PTPRE: variants seen among roughly 807,000 people sequenced by gnomAD.
PTPRE encodes the protein protein tyrosine phosphatase receptor type E, also known as receptor-type tyrosine-protein phosphatase epsilon.
PTPRE carries 51 observed loss-of-function variants against 102.0 expected under a neutral mutation model. That is an observed-to-expected ratio of 0.50 (90% CI 0.40 to 0.63). PTPRE has a LOEUF of 0.63. Among genes scored for constraint, PTPRE ranks in the 30% least tolerant of loss-of-function variants. The probability of loss-of-function intolerance (pLI) is 0.00; values close to 1 mark genes in which losing one functional copy is unlikely to be tolerated. For synonymous variants in PTPRE, 345 were observed against 348.2 expected (o/e 0.99, Z 0.10); for missense variants, 752 against 915.1 (o/e 0.82, Z 2.30).
rs558506100 is a variant in PTPRE, at chr10:128,013,609, C to T, written c.-7-27266C>T. Among the ~76,000 whole-genome samples the T allele has an allele frequency of 1.4e-4, 21 of 152,096 alleles. 1 individual carries two copies. Among genetic ancestry groups the T allele is most frequent in the Non-Finnish European group, 2.6e-4 (18 of 68,022 alleles). On this transcript the variant is annotated intron_variant, in intron 2 of 20. Coordinates refer to ENST00000254667, the MANE Select transcript of PTPRE (RefSeq NM_006504.6). ...TCACCAATGTGCTGGGTTGAGGAGG[C>T]GGGGCCTTGGGAGGTGATTAGGTCA...
At chr10:128,010,436 C>A (rs1844883498) in intron 2 of PTPRE, among the ~76,000 whole-genome samples, 1 of 152,186 alleles carries the variant, frequency 6.6e-6, no homozygotes, top group African/African-American at 2.4e-5. Context: ...ACCACCAGGT[C>A]AGGGAAGAGA....
At chr10:128,036,179 A>G (rs1847201064) in intron 2 of PTPRE, among the ~76,000 whole-genome samples, 1 of 151,198 alleles carries the variant, frequency 6.6e-6, no homozygotes, top group Non-Finnish European at 1.5e-5. Flanking sequence ...ACCTTTTCCC[A>G]GTCTCCTGCC....
chr10:127,937,313 C>G (rs1285923297), intron 1 of PTPRE, among the ~76,000 whole-genome samples: 1 of 152,198 alleles, frequency 6.6e-6, no homozygotes, highest in African/African-American at 2.4e-5. Context: ...GTACTCTGTA[C>G]CATCCACTCA....
Position 128,085,310 on chromosome 10 carries a change from G to A in PTPRE, c.*2404G>A. 3.1e-6 allele frequency: 1 copy of A among 321,992 alleles called. No individual in the cohort carries two copies. The allele number at this position is 321,992 out of a possible 1,614,324, so 19.9% of individuals were successfully genotyped here. On this transcript the variant is annotated 3_prime_UTR_variant, in exon 21 of 21. Transcript: ENST00000254667. Reference sequence around the variant, plus strand: ...CTCTTGTTTCCTTCAGTCAAAGAAAGTCCATTGTACATAACAAAACAGCCC... The same window carrying A: ...CTCTTGTTTCCTTCAGTCAAAGAAAATCCATTGTACATAACAAAACAGCCC...
chr10:127,945,164 T>C (rs1345304160), intron 1 of PTPRE, among the ~76,000 whole-genome samples: 1 of 152,156 alleles, frequency 6.6e-6, no homozygotes, highest in Non-Finnish European at 1.5e-5. Flanking sequence ...GCCCAGTACC[T>C]GGTTGGTTTT....
At position 127,944,498 on chromosome 10, in the gene PTPRE, GGA is replaced by G. The variant is rs1428839958; in HGVS notation, c.-31+37190_-31+37191del. ...TGGATGGATGGATGGATGGATGGAT[GGA>G]TGGATGGATGGATGGGTGGATGGAT... On this transcript the variant is annotated intron_variant, in intron 1 of 20. Coordinates refer to ENST00000254667, the MANE Select transcript of PTPRE (RefSeq NM_006504.6). This position sits in a 1 kb window ranked among gnomAD's most constrained non-coding sequence, Gnocchi z 4.2. Among the ~76,000 whole-genome samples the G allele has an allele frequency of 7.5e-5, 5 of 66,244 alleles. No individual in the cohort carries two copies. Among genetic ancestry groups the G allele is most frequent in the African/African-American group, 2.3e-4 (4 of 17,572 alleles). 43.5% of individuals were successfully genotyped at this position (66,244 alleles called of 152,430 possible). A position where few individuals can be genotyped will look rare whatever the true frequency, so the allele number is the denominator to read the frequency against.
At chr10:127,908,853 C>T (rs1403031629) in intron 1 of PTPRE, among the ~76,000 whole-genome samples, 1 of 152,206 alleles carries the variant, frequency 6.6e-6, no homozygotes, top group African/African-American at 2.4e-5. Context: ...TGGACAAGAG[C>T]TAGGAGCTAG....
intron 2 of PTPRE, among the ~76,000 whole-genome samples, chr10:127,988,167 A>G (rs1481074783): frequency 6.6e-6 from 1 of 152,204 alleles, no homozygotes; most frequent in Non-Finnish European, 1.5e-5. Flanking sequence ...CCGTGGGTGG[A>G]CCAGTCCTAC....
In PTPRE at chr10:127,965,767, G is replaced by A. The variant is rs1456412944; in HGVS notation, c.-30-16507G>A. On this transcript the variant is annotated intron_variant, in intron 1 of 20. Coordinates refer to ENST00000254667, the MANE Select transcript of PTPRE (RefSeq NM_006504.6). Reference sequence around the variant, plus strand: ...ACCTCGTATCTGCCCAGCTCCTGCTGGACAGCATCAGAGATCTGCTGGCTC... The same window carrying A: ...ACCTCGTATCTGCCCAGCTCCTGCTAGACAGCATCAGAGATCTGCTGGCTC... 4.9e-4 allele frequency among the ~76,000 whole-genome samples: 74 copies of A among 152,196 alleles called. 1 individual carries two copies. The highest frequency in any genetic ancestry group is 4.6e-3 in the Admixed American group (71 of 15,280).
chr10:128,039,363 G>C (rs911977928), intron 2 of PTPRE, among the ~76,000 whole-genome samples: 2 of 152,144 alleles, frequency 1.3e-5, no homozygotes, highest in African/African-American at 4.8e-5. Context: ...TCTCAGCCCT[G>C]TGGGGTTATT....
chr10:128,056,068 T>G, intron 6 of PTPRE, 55 bp from the exon 7 acceptor site: 8 of 1,380,576 alleles, frequency 5.8e-6, no homozygotes, highest in Non-Finnish European at 8.2e-6. Flanking sequence ...GAAACTGACA[T>G]GAGCATGGTG....
In PTPRE at chr10:128,062,366, G is replaced by A. The variant is rs1040696067; in HGVS notation, c.625+651G>A. Reference sequence around the variant, plus strand: ...GAAAAAAGGACACACATGTGCACACGCAGAGGCCATCAGGAATGTGCCCAG... The same window carrying A: ...GAAAAAAGGACACACATGTGCACACACAGAGGCCATCAGGAATGTGCCCAG... On this transcript the variant is annotated intron_variant, in intron 9 of 20. Coordinates refer to ENST00000254667, the MANE Select transcript of PTPRE (RefSeq NM_006504.6). Among the ~76,000 whole-genome samples, 18 of 152,324 alleles carry A rather than the reference G, an allele frequency of 1.2e-4. 1 individual carries two copies. The highest frequency in any genetic ancestry group is 3.8e-4 in the African/African-American group (16 of 41,572).
chr10:128,085,090 C>CT lies in PTPRE; in HGVS notation c.*2187dup, dbSNP rs1476995277. 2.2e-6 allele frequency: 1 copy of CT among 456,174 alleles called. No homozygotes were observed. Among genetic ancestry groups the CT allele is most frequent in the South Asian group, 1.5e-5 (1 of 64,540 alleles). The allele number at this position is 456,174 out of a possible 1,614,324, so 28.3% of individuals were successfully genotyped here. A position where few individuals can be genotyped will look rare whatever the true frequency, so the allele number is the denominator to read the frequency against. ...CATTCCAGGAACAAAGGAGAAGCCA[C>CT]TTTCCCCAGGACGCAAGACTCTCCC... On this transcript the variant is annotated 3_prime_UTR_variant, in exon 21 of 21. Coordinates refer to ENST00000254667, the MANE Select transcript of PTPRE (RefSeq NM_006504.6).
intron 1 of PTPRE, among the ~76,000 whole-genome samples, chr10:127,950,236 C>T (rs998470232): frequency 1.3e-5 from 2 of 151,996 alleles, no homozygotes; most frequent in African/African-American, 4.8e-5. Flanking sequence ...ATAAAGGGAG[C>T]CGACTGAATT....
intron 2 of PTPRE, chr10:127,998,730 C>T (rs1410208129): frequency 1.3e-5 from 2 of 152,220 alleles, no homozygotes; most frequent in East Asian, 3.9e-4. Flanking sequence ...TACTGGTGCA[C>T]CTTTGTAAGA....
At chr10:128,067,421 C>T (rs1210191727) in intron 11 of PTPRE, among the ~76,000 whole-genome samples, 3 of 151,954 alleles carry the variant, frequency 2.0e-5, no homozygotes, top group East Asian at 3.9e-4. Flanking sequence ...TGGGTGCACA[C>T]GTGTACGCAC....
At chr10:127,966,059 G>A (rs1432866517) in intron 1 of PTPRE, among the ~76,000 whole-genome samples, 1 of 152,236 alleles carries the variant, frequency 6.6e-6, no homozygotes, top group East Asian at 1.9e-4. Context: ...ACAAGGAAGT[G>A]AACACAGTAA....
chr10:127,993,367 C>T (rs1487951826), intron 2 of PTPRE, among the ~76,000 whole-genome samples: 2 of 152,164 alleles, frequency 1.3e-5, no homozygotes, highest in Admixed American at 1.3e-4. Flanking sequence ...TGATGTGTGA[C>T]ACATAACTTG....
At chr10:127,968,987 C>T (rs1197009000) in intron 1 of PTPRE, among the ~76,000 whole-genome samples, 1 of 152,238 alleles carries the variant, frequency 6.6e-6, no homozygotes, top group African/African-American at 2.4e-5. Flanking sequence ...CCTGGTGTTA[C>T]ATTCTAAGAC....
Sources: allele counts gnomAD v4.1 joint callset (sites outside exome capture counted in the v4.1 genomes callset), GRCh38; gene constraint gnomAD v4.1.1; non-coding constraint Gnocchi (gnomAD v3.1); transcripts MANE v1.5; gene names NCBI Gene and HGNC (gene_info 2026-07-23, HGNC 2026-07-21).